LYPLA1: variants seen among roughly 807,000 people sequenced by gnomAD.
The protein encoded by LYPLA1 is acyl-protein thioesterase 1.
LYPLA1 carries 17 observed loss-of-function variants against 34.0 expected under a neutral mutation model. The ratio of observed to expected loss-of-function variants is 0.50; its 90% CI spans 0.34 to 0.75. The LOEUF is 0.75. Among genes scored for constraint, LYPLA1 ranks in the 30% least tolerant of loss-of-function variants. The pLI is 0.01. For missense variants in LYPLA1, 203 were observed against 288.8 expected (o/e 0.70, Z 2.15); for synonymous variants, 98 against 100.8 (o/e 0.97, Z 0.17).
At chr8:54,063,240 A>G in intron 4 of LYPLA1, 88 bp downstream of exon 4, 2 of 819,640 alleles carry the variant, frequency 2.4e-6, no homozygotes, top group South Asian at 3.7e-5. Context: ...AAAAACAGCT[A>G]AATAAAAACT....
chr8:54,085,707 G>A (rs184379304), intron 2 of LYPLA1, among the ~76,000 whole-genome samples: 2 of 151,126 alleles, frequency 1.3e-5, no homozygotes, highest in African/African-American at 2.4e-5. Flanking sequence ...CTGACCAGCC[G>A]CCCTGTCTGA....
At chr8:54,073,491 G>A (rs1362270707) in intron 2 of LYPLA1, 1 of 736,668 alleles carries the variant, frequency 1.4e-6, no homozygotes, top group Non-Finnish European at 2.5e-6. Flanking sequence ...ATAGCTTCCA[G>A]GACTCCAGAA....
intron 8 of LYPLA1, among the ~76,000 whole-genome samples, chr8:54,048,708 C>G (rs1020722112): frequency 6.6e-6 from 1 of 152,184 alleles, no homozygotes. Context: ...TTCCTGCTAT[C>G]AGCTCTTATA....
intron 2 of LYPLA1, among the ~76,000 whole-genome samples, chr8:54,091,204 C>T (rs746344081): frequency 2.2e-4 from 34 of 152,182 alleles, no homozygotes; most frequent in Non-Finnish European, 2.6e-4. Context: ...TACTAAGAAC[C>T]AGGCAGGGCA....
chr8:54,067,689 GTTAA>G (rs1807167706), intron 2 of LYPLA1, among the ~76,000 whole-genome samples: 1 of 146,542 alleles, frequency 6.8e-6, no homozygotes, highest in Non-Finnish European at 1.5e-5. Context: ...CTTGATGAAT[GTTAA>G]TTTTTTTTTT....
chr8:54,060,451 C>T lies in LYPLA1; in HGVS notation c.286+1803G>A, dbSNP rs368470364. Among the ~76,000 whole-genome samples, 9 of 151,970 alleles carry T rather than the reference C, an allele frequency of 5.9e-5. 1 individual carries two copies. The South Asian group carries it at 6.2e-4, about 11-fold the overall frequency. ...CCTGTGCATTTGTTAAAAATAGACA[C>T]GTCCCAGTAAGTTAGTATTCTGTTT... On this transcript the variant is annotated intron_variant, in intron 5 of 8. Coordinates refer to ENST00000316963, the MANE Select transcript of LYPLA1 (RefSeq NM_006330.4).
chr8:54,066,000 G>A (rs574670451), intron 2 of LYPLA1, among the ~76,000 whole-genome samples, 187 bp from the exon 3 acceptor site: 3 of 152,172 alleles, frequency 2.0e-5, no homozygotes, highest in South Asian at 2.1e-4. Flanking sequence ...ACAGTGGCGC[G>A]ATCTCGGCTC....
intron 5 of LYPLA1, among the ~76,000 whole-genome samples, chr8:54,061,225 C>T (rs886833730): frequency 2.6e-5 from 4 of 151,888 alleles, no homozygotes; most frequent in African/African-American, 9.7e-5. Flanking sequence ...GAATTACAGG[C>T]GTGCGTGACC....
At chr8:54,086,555 C>CAA (rs1220626412) in intron 2 of LYPLA1, among the ~76,000 whole-genome samples, 34 of 64,546 alleles carry the variant, frequency 5.3e-4, no homozygotes, top group African/African-American at 1.1e-3. Flanking sequence ...CAAAGGGTAC[C>CAA]AAAAAAAAAA....
chr8:54,070,378 T>A (rs188236381), intron 2 of LYPLA1, among the ~76,000 whole-genome samples: 2 of 152,222 alleles, frequency 1.3e-5, no homozygotes, highest in Admixed American at 6.5e-5. Context: ...TTAGCAGTAT[T>A]ACGCAACTTC....
intron 2 of LYPLA1, among the ~76,000 whole-genome samples, chr8:54,068,639 C>G (rs568260157): frequency 1.4e-4 from 22 of 152,150 alleles, no homozygotes; most frequent in Non-Finnish European, 2.8e-4. Context: ...TGGATATCCA[C>G]ATGTAATACA....
chr8:54,101,908 C>G lies in LYPLA1; in HGVS notation c.-85G>C. 1.3e-6 allele frequency: 1 copy of G among 784,796 alleles called. No individual in the cohort carries two copies. 48.6% of individuals were successfully genotyped at this position (784,796 alleles called of 1,614,324 possible). A position where few individuals can be genotyped will look rare whatever the true frequency, so the allele number is the denominator to read the frequency against. Reference sequence around the variant, plus strand: ...GGGCGTGCGAGCGGCGAGTCCCGGCCGGCCCCACCGGGCGCACGCTCAGGC... The same window carrying G: ...GGGCGTGCGAGCGGCGAGTCCCGGCGGGCCCCACCGGGCGCACGCTCAGGC... On this transcript the variant is annotated 5_prime_UTR_variant, in exon 1 of 9. Coordinates refer to ENST00000316963, the MANE Select transcript of LYPLA1 (RefSeq NM_006330.4).
chr8:54,047,952 CA>C lies in LYPLA1; in HGVS notation c.*112del, dbSNP rs1183348481. On this transcript the variant is annotated 3_prime_UTR_variant, in exon 9 of 9. Coordinates refer to ENST00000316963, the MANE Select transcript of LYPLA1 (RefSeq NM_006330.4). ...GATCTGTGTTATTGGCATGTATTTG[CA>C]AAACATTTTAACACTGCAAAACATT... The C allele has an allele frequency of 1.5e-6, 1 of 676,338 alleles. No individual in the cohort carries two copies. The highest frequency in any genetic ancestry group is 2.6e-6 in the Non-Finnish European group (1 of 390,342). The allele number at this position is 676,338 out of a possible 1,614,324, so 41.9% of individuals were successfully genotyped here. A position where few individuals can be genotyped will look rare whatever the true frequency, so the allele number is the denominator to read the frequency against.
chr8:54,073,009 A>G (rs1807605328), intron 2 of LYPLA1: 1 of 419,470 alleles, frequency 2.4e-6, no homozygotes, highest in African/African-American at 2.0e-5. Context: ...TAATGATTAG[A>G]GAAATGCAAA....
intron 2 of LYPLA1, among the ~76,000 whole-genome samples, chr8:54,066,227 A>C (rs544517933): frequency 1.3e-5 from 2 of 152,144 alleles, no homozygotes; most frequent in South Asian, 4.2e-4. Flanking sequence ...GTGAGCCATC[A>C]CACCCGGCCT....
intron 2 of LYPLA1, among the ~76,000 whole-genome samples, chr8:54,073,768 C>CA (rs1403122068): frequency 6.6e-6 from 1 of 152,140 alleles, no homozygotes. Flanking sequence ...TGCCCTCCCC[C>CA]AAAAAACTAC....
rs76508259 is a variant in LYPLA1 at position 54,094,036 on chromosome 8, G to A, written c.101+6872C>T. Among the ~76,000 whole-genome samples the A allele has an allele frequency of 5.1e-3, 774 of 152,170 alleles. 12 individuals are homozygous for A. The East Asian group carries it at 0.058, about 11-fold the overall frequency. On this transcript the variant is annotated intron_variant, in intron 2 of 8. Coordinates refer to ENST00000316963, the MANE Select transcript of LYPLA1 (RefSeq NM_006330.4). ...ACAGGAAGACTTGCAAACTTATTAC[G>A]GTCACAAAACATATCCATGTTGCCA...
chr8:54,054,067 G>GGCTC (rs1806033131), intron 6 of LYPLA1, among the ~76,000 whole-genome samples: 2 of 152,154 alleles, frequency 1.3e-5, no homozygotes, highest in African/African-American at 4.8e-5. Context: ...TGCAACCTCT[G>GGCTC]GCTCCTGGGT....
intron 2 of LYPLA1, among the ~76,000 whole-genome samples, chr8:54,082,599 G>T (rs1201340511): frequency 6.6e-6 from 1 of 152,158 alleles, no homozygotes; most frequent in Non-Finnish European, 1.5e-5. Flanking sequence ...AATTAAAGGT[G>T]TGAGCCATTG....
Sources: gnomAD v4.1 joint callset for allele counts (sites outside exome capture counted in the v4.1 genomes callset) on GRCh38, gnomAD v4.1.1 for gene constraint, MANE v1.5 for transcripts, NCBI Gene and HGNC (gene_info 2026-07-23, HGNC 2026-07-21) for gene names.